NAV3: variants seen among roughly 807,000 people sequenced by gnomAD.
The protein encoded by NAV3 is pore membrane and/or filament interacting like protein 1.
A neutral mutation model predicts 244.7 loss-of-function variants in NAV3; 87 were observed. That is an observed-to-expected ratio of 0.36 (90% CI 0.30 to 0.42). The LOEUF is 0.42. Ranked by LOEUF, NAV3 falls within the 20% of genes least tolerant of loss-of-function variation. The pLI is 1.00. For missense variants in NAV3, 2,663 were observed against 2,893.3 expected, an observed-to-expected ratio of 0.92 and a Z score of 1.83; for synonymous variants, 1,126 against 1,042.2, an observed-to-expected ratio of 1.08 and a Z score of -1.55.
chr12:77,771,151 A>C (rs1241861339), intron 2 of NAV3, among the ~76,000 whole-genome samples: 2 of 152,212 alleles, frequency 1.3e-5, no homozygotes, highest in South Asian at 2.1e-4. Flanking sequence ...CAGCCAAAAA[A>C]CACATGAAAA....
chr12:78,104,918 A>T (rs1261584122), intron 12 of NAV3, among the ~76,000 whole-genome samples: 1 of 152,160 alleles, frequency 6.6e-6, no homozygotes, highest in African/African-American at 2.4e-5. Context: ...TCAATGGCTC[A>T]ATCTTTTTAA....
chr12:78,124,358 G>A (rs1289988760), intron 16 of NAV3, among the ~76,000 whole-genome samples: 2 of 152,126 alleles, frequency 1.3e-5, no homozygotes, highest in South Asian at 2.1e-4. Flanking sequence ...AAATACACTA[G>A]AAAATATGCA....
rs1565970869 is a variant in NAV3 at position 77,968,615 on chromosome 12, C to G, written c.584C>G (p.Ser195Cys). The change falls in exon 5 of 40, where the codon TCC becomes TGC. Residue 195 changes from serine to cysteine, a missense_variant. By Grantham distance (112) the Ser-to-Cys change is moderately radical. This residue lies in a region of NAV3 where 1,521 missense variants were observed against 1,497.0 expected (regional missense o/e 1.02). Coordinates refer to ENST00000397909, the MANE Select transcript of NAV3 (RefSeq NM_001024383.2). Reference protein sequence around the residue: ...QQHHQQQYYQSLVELQQRVTH... With the variant: ...QQHHQQQYYQCLVELQQRVTH... Reference sequence around the variant, plus strand: ...CACCATCAACAACAGTACTATCAGTCCTTGGTGGAACTTCAGCAGCGAGTT... The same window carrying G: ...CACCATCAACAACAGTACTATCAGTGCTTGGTGGAACTTCAGCAGCGAGTT... The G allele has an allele frequency of 6.2e-7, 1 of 1,614,104 alleles. No individual in the cohort carries two copies.
At chr12:77,964,571 G>A (rs116377699) in intron 3 of NAV3, among the ~76,000 whole-genome samples, 1 of 152,226 alleles carries the variant, frequency 6.6e-6, no homozygotes, top group African/African-American at 2.4e-5. Flanking sequence ...TCTTGTTATT[G>A]TTCCTCCTCT....
intron 1 of NAV3, among the ~76,000 whole-genome samples, chr12:77,911,101 G>A (rs866989246): frequency 1.2e-4 from 18 of 152,086 alleles, no homozygotes; most frequent in African/African-American, 4.3e-4. Context: ...ATGGAAGAAT[G>A]AATACCCTTA....
intron 2 of NAV3, among the ~76,000 whole-genome samples, chr12:77,624,171 G>A (rs1180237894): frequency 1.3e-5 from 2 of 152,172 alleles, no homozygotes; most frequent in Non-Finnish European, 2.9e-5. Flanking sequence ...GTCTGAAGAG[G>A]TGACGTTTTG....
chr12:78,134,009 A>G (rs1272545167), intron 18 of NAV3, among the ~76,000 whole-genome samples: 1 of 152,168 alleles, frequency 6.6e-6, no homozygotes, highest in East Asian at 1.9e-4. Context: ...AATCGCTCAG[A>G]TTCATTTTTC....
intron 8 of NAV3, among the ~76,000 whole-genome samples, chr12:78,021,097 G>A (rs1877076360): frequency 6.6e-6 from 1 of 152,122 alleles, no homozygotes; most frequent in Non-Finnish European, 1.5e-5. Context: ...AAAGTATTCA[G>A]GACCTTTGTT....
At chr12:77,666,263 T>C (rs1317704283) in intron 2 of NAV3, among the ~76,000 whole-genome samples, 2 of 151,334 alleles carry the variant, frequency 1.3e-5, no homozygotes, top group African/African-American at 2.4e-5. Context: ...CTTCTAATTA[T>C]TGGCCAAACA....
chr12:78,175,556 G>A, intron 25 of NAV3, 129 bp downstream of exon 25: 2 of 1,172,370 alleles, frequency 1.7e-6, no homozygotes, highest in South Asian at 1.5e-5. Context: ...GACCTCAAAT[G>A]CTGCACTCAT....
chr12:77,572,714 C>A (rs1214520235), intron 2 of NAV3, among the ~76,000 whole-genome samples: 1 of 152,170 alleles, frequency 6.6e-6, no homozygotes, highest in African/African-American at 2.4e-5. Flanking sequence ...TCAACTTAGG[C>A]CTTCTGAATT....
At chr12:78,017,482 G>A (rs1731715) in intron 8 of NAV3, among the ~76,000 whole-genome samples, 151,024 of 152,280 alleles carry the variant, frequency 0.99, 74,908 homozygotes, top group East Asian at 1. Context: ...TTGCAATGCT[G>A]TATCTTATAG....
At chr12:78,173,281 G>A (rs1013966173) in intron 24 of NAV3, among the ~76,000 whole-genome samples, 1 of 151,474 alleles carries the variant, frequency 6.6e-6, no homozygotes, top group African/African-American at 2.4e-5. Flanking sequence ...ATTGGTGAAT[G>A]CAGTCATAAT....
In NAV3 at chr12:77,898,879, G is replaced by A. The variant is rs74881642; in HGVS notation, c.244-41440G>A. ...CCATTATAGATGTCAAAGGGCATTC[G>A]TGATTCATGAAAGGATGTCAAAATG... On this transcript the variant is annotated intron_variant, in intron 1 of 39. Coordinates refer to ENST00000397909, the MANE Select transcript of NAV3 (RefSeq NM_001024383.2). Among the ~76,000 whole-genome samples the A allele has an allele frequency of 7.4e-3, 1,133 of 152,254 alleles. 13 individuals are homozygous for A. Among genetic ancestry groups the A allele is most frequent in the African/African-American group, 0.026 (1,089 of 41,548 alleles).
chr12:78,180,211 G>C (rs1354547932), intron 29 of NAV3, among the ~76,000 whole-genome samples: 1 of 152,078 alleles, frequency 6.6e-6, no homozygotes, highest in Non-Finnish European at 1.5e-5. Context: ...TTCAGAACCA[G>C]TCTGTGCTCA....
At chr12:77,621,582 C>T (rs565473361) in intron 2 of NAV3, among the ~76,000 whole-genome samples, 5 of 150,724 alleles carry the variant, frequency 3.3e-5, no homozygotes, top group Admixed American at 1.3e-4. Flanking sequence ...CCGTGTCAAG[C>T]GATTCTCCTG....
chr12:77,667,436 G>T (rs2137061114), intron 2 of NAV3, among the ~76,000 whole-genome samples: 1 of 152,244 alleles, frequency 6.6e-6, no homozygotes, highest in East Asian at 1.9e-4. Flanking sequence ...CAGCCTTTAT[G>T]ACTGCTGGCT....
upstream of NAV3, among the ~76,000 whole-genome samples, chr12:77,827,812 A>T (rs1454591993): frequency 6.6e-6 from 1 of 152,160 alleles, no homozygotes; most frequent in Non-Finnish European, 1.5e-5. Context: ...TTTTTACTCC[A>T]TTTTATAGAT....
intron 12 of NAV3, among the ~76,000 whole-genome samples, chr12:78,101,474 AC>A (rs1954533405): frequency 6.6e-6 from 1 of 152,202 alleles, no homozygotes; most frequent in Non-Finnish European, 1.5e-5. Flanking sequence ...AAAAATCATT[AC>A]ATATACATTT....
Sources: allele counts gnomAD v4.1 joint callset (sites outside exome capture counted in the v4.1 genomes callset), GRCh38; gene constraint gnomAD v4.1.1; regional missense constraint gnomAD v4.1.1; transcripts MANE v1.5; gene names NCBI Gene and HGNC (gene_info 2026-07-23, HGNC 2026-07-21).